The following CASS4 variants were observed in gnomAD, a reference collection of about 807,000 sequenced individuals.
The protein encoded by CASS4 is Cas scaffold protein family member 4.
CASS4 carries 22 observed loss-of-function variants against 54.2 expected under a neutral mutation model. The ratio of observed to expected loss-of-function variants is 0.41; its 90% confidence interval spans 0.29 to 0.58. The LOEUF is 0.58. Among genes scored for constraint, CASS4 ranks in the 20% least tolerant of loss-of-function variants. CASS4 has a pLI of 0.36. For synonymous variants in CASS4, 409 were observed against 391.5 expected (o/e 1.04, Z -0.53); for missense variants, 854 against 986.7 (o/e 0.87, Z 1.80).
In CASS4 at chr20:56,437,612, A is replaced by G. The variant is rs1980255660; in HGVS notation, c.459+26A>G. 11 of 1,512,678 alleles carry G rather than the reference A, an allele frequency of 7.3e-6. No homozygotes were observed. Among genetic ancestry groups the G allele is most frequent in the East Asian group, 2.3e-5 (1 of 43,724 alleles). The allele number at this position is 1,512,678 out of a possible 1,614,324, so 93.7% of individuals were successfully genotyped here. A position where few individuals can be genotyped will look rare whatever the true frequency, so the allele number is the denominator to read the frequency against. Reference sequence around the variant, plus strand: ...GTACGCATACTTCCACCTACTAGACATGGGTTGAGGGGTATGGAAACACCC... The same window carrying G: ...GTACGCATACTTCCACCTACTAGACGTGGGTTGAGGGGTATGGAAACACCC... On this transcript the variant is annotated intron_variant, in intron 2 of 5. Coordinates refer to ENST00000679887, the MANE Select transcript of CASS4 (RefSeq NM_020356.4). The surrounding 1 kb of genome is among the most constrained non-coding windows in gnomAD (Gnocchi z 4.7).
At chr20:56,447,207 G>GA (rs60796590) in intron 3 of CASS4, among the ~76,000 whole-genome samples, 45,071 of 137,696 alleles carry the variant, frequency 0.33, 8,811 homozygotes, top group East Asian at 0.56. Flanking sequence ...GACTCTGTCT[G>GA]AAAAAAAAAA....
intron 2 of CASS4, among the ~76,000 whole-genome samples, chr20:56,445,189 C>A (rs1980647985): frequency 6.6e-6 from 1 of 152,160 alleles, no homozygotes; most frequent in African/African-American, 2.4e-5. Flanking sequence ...AACTCCTTCA[C>A]TGACCTGCTC....
At chr20:56,448,951 A>G (rs1980858901) in intron 3 of CASS4, among the ~76,000 whole-genome samples, 2 of 152,184 alleles carry the variant, frequency 1.3e-5, no homozygotes, top group South Asian at 4.1e-4. Context: ...TTAAAAAGTC[A>G]GGAAACAACA....
chr20:56,442,605 A>G (rs575125059), intron 2 of CASS4, among the ~76,000 whole-genome samples: 3 of 151,554 alleles, frequency 2.0e-5, no homozygotes, highest in Non-Finnish European at 4.4e-5. Flanking sequence ...GGTAACCACT[A>G]TCTTGAGCTT....
At chr20:56,427,621 A>G (rs1405950164) in intron 1 of CASS4, among the ~76,000 whole-genome samples, 1 of 152,260 alleles carries the variant, frequency 6.6e-6, no homozygotes, top group African/African-American at 2.4e-5. Context: ...ATAAAAATGT[A>G]TAACAGAATA....
At position 56,452,307 on chromosome 20, in the gene CASS4, G is replaced by A. The variant is rs748813329; in HGVS notation, c.1131G>A (p.Ala377=). Residue 377 remains alanine, a synonymous_variant, in exon 5 of 6, where the codon GCG becomes GCA. Coordinates refer to ENST00000679887, the MANE Select transcript of CASS4 (RefSeq NM_020356.4). ...CCAAGGAGGTGTCAGAGAATTCCGC[G>A]GGCCATAATTCCTCATGGTTCTCCA... ...EKAKEVSENS[A]GHNSSWFSRR... is the part of the protein sequence containing the mutation. 1.6e-5 allele frequency: 26 copies of A among 1,613,742 alleles called. No homozygotes were observed. In the East Asian group the frequency reaches 3.3e-4, roughly 21 times the overall value.
At chr20:56,457,353 C>T (rs890986667) in intron 5 of CASS4, among the ~76,000 whole-genome samples, 1 of 152,216 alleles carries the variant, frequency 6.6e-6, no homozygotes, top group African/African-American at 2.4e-5. Context: ...GCAGCCTTTT[C>T]TCTTCTCTGA....
intron 2 of CASS4, among the ~76,000 whole-genome samples, chr20:56,443,798 G>C (rs1980577631): frequency 6.6e-6 from 1 of 152,160 alleles, no homozygotes; most frequent in South Asian, 2.1e-4. Context: ...GGGAGTCCTG[G>C]ACCCGGAAAC....
intron 1 of CASS4, among the ~76,000 whole-genome samples, chr20:56,428,085 G>A (rs1979729398): frequency 6.6e-6 from 1 of 152,170 alleles, no homozygotes. Context: ...TGACCTCACT[G>A]TATGATTTAC....
intron 1 of CASS4, among the ~76,000 whole-genome samples, chr20:56,415,929 AAC>A (rs369498099): frequency 5.3e-5 from 8 of 152,326 alleles, no homozygotes; most frequent in Admixed American, 1.3e-4. Flanking sequence ...ATTTTTTTAA[AAC>A]ACGTGATATT....
chr20:56,455,961 C>T (rs1054997771), intron 5 of CASS4, among the ~76,000 whole-genome samples: 1 of 151,266 alleles, frequency 6.6e-6, no homozygotes, highest in African/African-American at 2.4e-5. Flanking sequence ...AACAAACAAA[C>T]TTGCATGGCT....
At chr20:56,436,686 TGGAAA>T (rs1980183234) in intron 1 of CASS4, among the ~76,000 whole-genome samples, 1 of 151,854 alleles carries the variant, frequency 6.6e-6, no homozygotes, top group Non-Finnish European at 1.5e-5. Context: ...ACCCAGGAGT[TGGAAA>T]CCAGCCTGGG....
At chr20:56,457,993 A>G (rs1981378246) in intron 5 of CASS4, among the ~76,000 whole-genome samples, 1 of 149,738 alleles carries the variant, frequency 6.7e-6, no homozygotes, top group Non-Finnish European at 1.5e-5. Context: ...CCAGCCTGGA[A>G]GATAAAGGAA....
Position 56,414,334 on chromosome 20 carries a change from C to G in CASS4, c.36+1840C>G, listed in dbSNP as rs572530693. Among the ~76,000 whole-genome samples, 2 of 152,006 alleles carry G rather than the reference C, an allele frequency of 1.3e-5. No individual in the cohort carries two copies. The highest frequency in any genetic ancestry group is 2.1e-4 in the South Asian group (1 of 4,808). On this transcript the variant is annotated intron_variant, in intron 1 of 5. Transcript: ENST00000679887. The surrounding 1 kb of genome is among the most constrained non-coding windows in gnomAD (Gnocchi z 4.1). ...CCTTTTTCTCTTTCATAACATTGAC[C>G]TTTTTTCTAAACAGCCTAGATTTTT...
intron 2 of CASS4, among the ~76,000 whole-genome samples, chr20:56,440,404 C>T (rs915712721): frequency 6.6e-6 from 1 of 152,224 alleles, no homozygotes; most frequent in African/African-American, 2.4e-5. Context: ...ATTCCTTCCT[C>T]TCCCTGAAAG....
At chr20:56,441,754 C>A (rs889766277) in intron 2 of CASS4, among the ~76,000 whole-genome samples, 9 of 152,100 alleles carry the variant, frequency 5.9e-5, no homozygotes, top group Non-Finnish European at 1.3e-4. Context: ...GGGGACCTCC[C>A]AACACCCTTT....
intron 5 of CASS4, among the ~76,000 whole-genome samples, chr20:56,456,073 G>C (rs1007801545): frequency 1.8e-5 from 2 of 109,026 alleles, no homozygotes; most frequent in Admixed American, 2.0e-4. Flanking sequence ...TCTGGTCCAA[G>C]GACCTCACTT....
Position 56,452,072 on chromosome 20 carries a change from C to T in CASS4, c.896C>T (p.Pro299Leu). ...SLTPQLNNNV[P>L]MQKKLSLPEI... ...ACTCCACAACTGAATAACAATGTGC[C>T]CATGCAGAAAAAACTCAGCCTTCCA... The change falls in exon 5 of 6, where the codon CCC (proline) becomes CTC (leucine). Residue 299 changes from proline (P) to leucine (L), a missense_variant. Pro to Leu is a moderately conservative substitution (Grantham distance 98). Coordinates refer to ENST00000679887, the MANE Select transcript of CASS4 (RefSeq NM_020356.4). The T allele has an allele frequency of 6.2e-7, 1 of 1,614,182 alleles. No individual in the cohort carries two copies. The highest frequency in any genetic ancestry group is 1.1e-5 in the South Asian group (1 of 91,080).
At position 56,459,982 on chromosome 20, in the gene CASS4, C is replaced by G. The variant is rs1264119173; in HGVS notation, c.*1235C>G. Reference sequence around the variant, plus strand: ...CGTAAGTAGGGGAAGTGCAAGAGAACTTATCTTCAAATGGTTAATTTTTAT... The same window carrying G: ...CGTAAGTAGGGGAAGTGCAAGAGAAGTTATCTTCAAATGGTTAATTTTTAT... On this transcript the variant is annotated 3_prime_UTR_variant, in exon 6 of 6. Transcript: ENST00000679887. 1 of 152,106 alleles carries G rather than the reference C, an allele frequency of 6.6e-6. No homozygotes were observed. The highest frequency in any genetic ancestry group is 1.9e-4 in the East Asian group (1 of 5,186). 9.4% of individuals were successfully genotyped at this position (152,106 alleles called of 1,614,324 possible).
Sources: allele counts gnomAD v4.1 joint callset (sites outside exome capture counted in the v4.1 genomes callset), GRCh38; gene constraint gnomAD v4.1.1; non-coding constraint Gnocchi (gnomAD v3.1); transcripts MANE v1.5; gene names NCBI Gene and HGNC (gene_info 2026-07-23, HGNC 2026-07-21).